TBC1D22A: variants seen among roughly 807,000 people sequenced by gnomAD.
The protein encoded by TBC1D22A is putative GTPase activator.
TBC1D22A carries 38 observed loss-of-function variants against 60.2 expected under a neutral mutation model. The observed-to-expected ratio is 0.63, with a 90% CI of 0.49 to 0.83. The LOEUF is 0.83. Among genes scored for constraint, TBC1D22A ranks in the 40% least tolerant of loss-of-function variants. The probability of loss-of-function intolerance (pLI) is 0.00; values close to 1 mark genes in which losing one functional copy is unlikely to be tolerated. For synonymous variants in TBC1D22A, 302 were observed against 281.7 expected, an observed-to-expected ratio of 1.07 and a Z score of -0.72; for missense variants, 628 against 701.0, an observed-to-expected ratio of 0.90 and a Z score of 1.18.
chr22:46,823,094 C>T (rs1602019134), intron 4 of TBC1D22A, among the ~76,000 whole-genome samples: 1 of 152,130 alleles, frequency 6.6e-6, no homozygotes, highest in African/African-American at 2.4e-5. Flanking sequence ...CTGGGAGTGA[C>T]TGCAATTTGA....
At chr22:46,892,435 T>G (rs550384721) in intron 6 of TBC1D22A, among the ~76,000 whole-genome samples, 1 of 152,082 alleles carries the variant, frequency 6.6e-6, no homozygotes, top group South Asian at 2.1e-4. Context: ...TGCTTAGGAG[T>G]GAGGCTGGGG....
chr22:46,840,812 G>A (rs926288534), intron 4 of TBC1D22A, among the ~76,000 whole-genome samples: 2 of 152,022 alleles, frequency 1.3e-5, no homozygotes, highest in South Asian at 4.1e-4. Context: ...CCATTGGTGG[G>A]AATGTAAATT....
chr22:47,018,582 T>C (rs1399100495), intron 10 of TBC1D22A, among the ~76,000 whole-genome samples: 17 of 152,150 alleles, frequency 1.1e-4, no homozygotes, highest in Non-Finnish European at 1.0e-4. Flanking sequence ...AGTCAGTCAC[T>C]GTTGGTGGCT....
intron 4 of TBC1D22A, among the ~76,000 whole-genome samples, chr22:46,803,959 G>T (rs1404513073): frequency 4.6e-5 from 7 of 152,238 alleles, no homozygotes; most frequent in Non-Finnish European, 1.0e-4. Flanking sequence ...TGACTCTTCA[G>T]CTAGACCTTT....
chr22:47,084,635 C>G (rs957898349), intron 11 of TBC1D22A, among the ~76,000 whole-genome samples: 1 of 152,100 alleles, frequency 6.6e-6, no homozygotes, highest in Non-Finnish European at 1.5e-5. Context: ...TATTCAGCAA[C>G]AGAATGGATA....
At chr22:47,133,328 G>A (rs1209569180) in intron 12 of TBC1D22A, among the ~76,000 whole-genome samples, 1 of 152,178 alleles carries the variant, frequency 6.6e-6, no homozygotes, top group African/African-American at 2.4e-5. Context: ...TGTGGAGTCT[G>A]GCTGCATTTT....
At chr22:47,107,958 T>C (rs1224491023) in intron 11 of TBC1D22A, among the ~76,000 whole-genome samples, 1 of 152,192 alleles carries the variant, frequency 6.6e-6, no homozygotes, top group East Asian at 1.9e-4. Context: ...AGTTAGGCAA[T>C]GATTTTTTAG....
At chr22:47,170,377 A>ATT (rs2068385030) in intron 12 of TBC1D22A, among the ~76,000 whole-genome samples, 1 of 152,230 alleles carries the variant, frequency 6.6e-6, no homozygotes, top group African/African-American at 2.4e-5. Flanking sequence ...AACCAAAGGT[A>ATT]TTTATTTATG....
intron 10 of TBC1D22A, among the ~76,000 whole-genome samples, chr22:47,023,567 C>T (rs2062156847): frequency 6.6e-6 from 1 of 152,134 alleles, no homozygotes; most frequent in Non-Finnish European, 1.5e-5. Context: ...TTGCCCAAAA[C>T]TACTAATATA....
chr22:46,795,123 C>G (rs980332819), intron 3 of TBC1D22A, among the ~76,000 whole-genome samples: 1 of 152,184 alleles, frequency 6.6e-6, no homozygotes, highest in African/African-American at 2.4e-5. Flanking sequence ...TCTTTGAACT[C>G]GTAACTGGAA....
At chr22:46,870,571 A>G (rs2147425498) in intron 4 of TBC1D22A, among the ~76,000 whole-genome samples, 1 of 152,346 alleles carries the variant, frequency 6.6e-6, no homozygotes, top group East Asian at 1.9e-4. Context: ...AGAAAGCTGA[A>G]AGGAAAGCTG....
chr22:47,042,156 A>C (rs2062866700), intron 11 of TBC1D22A, among the ~76,000 whole-genome samples: 1 of 140,542 alleles, frequency 7.1e-6, no homozygotes, highest in Admixed American at 7.4e-5. Context: ...ATACTGTGTC[A>C]CAGTGGCTTC....
chr22:47,117,637 C>G (rs374004955), intron 12 of TBC1D22A, among the ~76,000 whole-genome samples: 1 of 152,152 alleles, frequency 6.6e-6, no homozygotes, highest in Admixed American at 6.6e-5. Flanking sequence ...GCCGCAGGAG[C>G]GAGGAAAGCA....
chr22:47,054,034 T>C (rs1020460453), intron 11 of TBC1D22A, among the ~76,000 whole-genome samples: 1 of 152,130 alleles, frequency 6.6e-6, no homozygotes, highest in Non-Finnish European at 1.5e-5. Flanking sequence ...ACAGACTCAG[T>C]GTGAGAGCTG....
chr22:47,154,856 C>T (rs2067649190), intron 12 of TBC1D22A, among the ~76,000 whole-genome samples: 1 of 152,234 alleles, frequency 6.6e-6, no homozygotes, highest in Admixed American at 6.5e-5. Context: ...GCCTTGTCCT[C>T]TGGCGTTTTC....
intron 4 of TBC1D22A, among the ~76,000 whole-genome samples, chr22:46,809,594 C>G (rs539282087): frequency 1.3e-5 from 2 of 152,108 alleles, no homozygotes; most frequent in Non-Finnish European, 2.9e-5. Flanking sequence ...TCTCGGGGGT[C>G]AGGGCAGTAT....
At chr22:46,869,117 C>G (rs931260974) in intron 4 of TBC1D22A, among the ~76,000 whole-genome samples, 1 of 152,218 alleles carries the variant, frequency 6.6e-6, no homozygotes, top group African/African-American at 2.4e-5. Flanking sequence ...TCTTGTCTGC[C>G]TCCTTTACAC....
intron 12 of TBC1D22A, among the ~76,000 whole-genome samples, chr22:47,154,973 G>T (rs1016344922): frequency 6.6e-6 from 1 of 152,204 alleles, no homozygotes; most frequent in African/African-American, 2.4e-5. Context: ...TTCTTGAGCG[G>T]CATCTCCAGG....
chr22:46,918,102 C>T (rs555361683), intron 8 of TBC1D22A, among the ~76,000 whole-genome samples: 24 of 152,286 alleles, frequency 1.6e-4, no homozygotes, highest in African/African-American at 5.8e-4. Context: ...GAACACTGAG[C>T]GAGGCAAAAA....
Sources: gnomAD v4.1 joint callset for allele counts (sites outside exome capture counted in the v4.1 genomes callset) on GRCh38, gnomAD v4.1.1 for gene constraint, MANE v1.5 for transcripts, NCBI Gene and HGNC (gene_info 2026-07-23, HGNC 2026-07-21) for gene names.